The following UBA2 variants were observed in gnomAD, a reference collection of about 807,000 sequenced individuals.
UBA2 encodes SUMO-activating enzyme subunit 2.
UBA2 carries 11 observed loss-of-function variants against 77.2 expected under a neutral mutation model. The observed-to-expected ratio is 0.14, with a 90% CI of 0.09 to 0.24. UBA2 has a LOEUF of 0.24. UBA2 is among the 10% of genes least tolerant of loss of function. UBA2 has a pLI of 1.00. For missense variants in UBA2, 487 were observed against 781.7 expected, an observed-to-expected ratio of 0.62 and a Z score of 4.50; for synonymous variants, 278 against 276.7, an observed-to-expected ratio of 1.00 and a Z score of -0.05.
intron 4 of UBA2, 48 bp from the exon 5 acceptor site, chr19:34,434,820 A>G: frequency 7.1e-7 from 1 of 1,405,578 alleles, no homozygotes; most frequent in South Asian, 1.2e-5. Flanking sequence ...ATTAAAGATA[A>G]CTAATTTTTT....
In UBA2 at chr19:34,464,308, G is replaced by A. The variant is rs554808663; in HGVS notation, c.1604+177G>A. 5.9e-5 allele frequency among the ~76,000 whole-genome samples: 9 copies of A among 152,248 alleles called. No homozygotes were observed. The South Asian group carries it at 1.9e-3, about 32-fold the overall frequency. The stretch of plus-strand genomic sequence containing the variant: ...TGTTTGACCTACAGAAAAATTTGAG[G>A]ATTCAGAAATTGGCGGGGTGTGGCG... On this transcript the variant is annotated intron_variant, in intron 15 of 16. Transcript: ENST00000246548.
rs146650320 is a variant in UBA2, at chr19:34,430,578, T to G, written c.141T>G (p.Ile47Met). The change falls in exon 2 of 17, where the codon ATT becomes ATG. Residue 47 changes from isoleucine to methionine, a missense_variant and splice_region_variant. By Grantham distance (10) the Ile-to-Met change is conservative (BLOSUM62 1). Coordinates refer to ENST00000246548, the MANE Select transcript of UBA2 (RefSeq NM_005499.3). ...ATCTGGGGTTTATGCATTTGTAGAT[T>G]GATCTGGATACTATTGATGTAAGCA... ...VLTGFSHIDL[I>M]DLDTIDVSNL... 7.5e-5 allele frequency: 121 copies of G among 1,611,406 alleles called. No individual in the cohort carries two copies. The African/African-American group carries it at 1.5e-3, about 20-fold the overall frequency.
intron 12 of UBA2, among the ~76,000 whole-genome samples, chr19:34,454,903 C>T (rs2145547154): frequency 6.6e-6 from 1 of 152,280 alleles, no homozygotes. Context: ...GTCCCCTGTT[C>T]AGTCATTCTC....
In UBA2 at chr19:34,430,771, A is replaced by G. The variant is rs556058236; in HGVS notation, c.222+112A>G. 89 of 749,960 alleles carry G rather than the reference A, an allele frequency of 1.2e-4. No homozygotes were observed. In the African/African-American group the frequency reaches 1.4e-3, roughly 12 times the overall value. The allele number at this position is 749,960 out of a possible 1,614,324, so 46.5% of individuals were successfully genotyped here. On this transcript the variant is annotated intron_variant, in intron 2 of 16. Transcript: ENST00000246548. ...AAAAAATGGGTGAAGCTCTCATTTC[A>G]GCTGAGAGATTGTGAAGGATAAAGA...
At chr19:34,444,822 A>C (rs1477957966) in intron 7 of UBA2, among the ~76,000 whole-genome samples, 178 bp from the exon 8 acceptor site, 2 of 152,178 alleles carry the variant, frequency 1.3e-5, no homozygotes, top group Non-Finnish European at 2.9e-5. Context: ...ACAAGAAAGA[A>C]AGAAACTGGG....
At chr19:34,463,173 G>T (rs2075650987) in intron 14 of UBA2, among the ~76,000 whole-genome samples, 2 of 152,138 alleles carry the variant, frequency 1.3e-5, no homozygotes, top group Admixed American at 1.3e-4. Context: ...GGAGGCTGAG[G>T]TAGGAAGACT....
At chr19:34,439,094 G>C (rs1220264055) in intron 6 of UBA2, among the ~76,000 whole-genome samples, 1 of 151,894 alleles carries the variant, frequency 6.6e-6, no homozygotes, top group African/African-American at 2.4e-5. Flanking sequence ...TGTAATCCCA[G>C]CTACTCGGGA....
chr19:34,457,179 A>AAAATATATATATATATATATATATATAT (rs1262007864), intron 12 of UBA2, among the ~76,000 whole-genome samples: 3 of 53,218 alleles, frequency 5.6e-5, no homozygotes, highest in African/African-American at 1.2e-4. Context: ...AAAAAAAAAA[A>AAAATATATATATATATATATATATATAT]ATATATATAT....
chr19:34,432,228 T>C (rs2075263775), intron 3 of UBA2, among the ~76,000 whole-genome samples: 1 of 152,236 alleles, frequency 6.6e-6, no homozygotes, highest in South Asian at 2.1e-4. Context: ...TCCTTATTTA[T>C]GATGATTCAG....
At chr19:34,468,001 G>C (rs1286178367) in intron 16 of UBA2, among the ~76,000 whole-genome samples, 1 of 152,168 alleles carries the variant, frequency 6.6e-6, no homozygotes, top group Admixed American at 6.5e-5. Context: ...TGGAATTTAG[G>C]CATGTTAGAG....
chr19:34,458,836 A>C lies in UBA2; in HGVS notation c.1313A>C (p.Asn438Thr). 1 of 1,614,078 alleles carries C rather than the reference A, an allele frequency of 6.2e-7. No individual in the cohort carries two copies. Among genetic ancestry groups the C allele is most frequent in the Non-Finnish European group, 8.5e-7 (1 of 1,180,034 alleles). ...LLVPCALDPPNPNCYVCASKP... is the reference protein window; with the variant it reads ...LLVPCALDPPTPNCYVCASKP... ...GTGCCTTGTGCACTGGATCCTCCCAACCCCAATTGTTATGTATGTGCCAGC... is the reference window on the plus strand; with the variant it reads ...GTGCCTTGTGCACTGGATCCTCCCACCCCCAATTGTTATGTATGTGCCAGC... The change falls in exon 13 of 17, where the codon AAC (asparagine) becomes ACC (threonine). Residue 438 changes from asparagine to threonine, a missense_variant. Asn to Thr is a moderately conservative substitution (Grantham distance 65). Transcript: ENST00000246548.
rs764109454 is a variant in UBA2 at position 34,446,608 on chromosome 19, C to CTTTTTTTTTTTTTTTTTTTTT, written c.771+1490_771+1491insTTTTTTTTTTTTTTTTTTTTT. ...ATGTCACATGTTGACTTTTTTTTTT[C>CTTTTTTTTTTTTTTTTTTTTT]TTTCTTTTTTTTTTTTTTTGAGAGA... On this transcript the variant is annotated intron_variant, in intron 8 of 16. Coordinates refer to ENST00000246548, the MANE Select transcript of UBA2 (RefSeq NM_005499.3). Among the ~76,000 whole-genome samples, 3 of 145,152 alleles carry CTTTTTTTTTTTTTTTTTTTTT rather than the reference C, an allele frequency of 2.1e-5. 1 individual carries two copies. Among genetic ancestry groups the CTTTTTTTTTTTTTTTTTTTTT allele is most frequent in the African/African-American group, 2.7e-5 (1 of 37,338 alleles).
chr19:34,463,896 G>A (rs935253743), intron 14 of UBA2, 130 bp from the exon 15 acceptor site: 19 of 652,156 alleles, frequency 2.9e-5, no homozygotes, highest in Non-Finnish European at 4.7e-5. Flanking sequence ...TGGGGATTAG[G>A]GTTTCAACCT....
intron 15 of UBA2, 66 bp downstream of exon 15, chr19:34,464,197 G>T: frequency 1.8e-6 from 2 of 1,133,426 alleles, no homozygotes. Context: ...ACAAAATGAA[G>T]GAAAAGTGTT....
intron 9 of UBA2, among the ~76,000 whole-genome samples, chr19:34,451,136 G>A (rs75291661): frequency 0.04 from 6,089 of 152,012 alleles, 181 homozygotes; most frequent in Admixed American, 0.11. Context: ...TGAGTAGCTG[G>A]GACTGTATGC....
chr19:34,457,894 T>C (rs2075585858), intron 12 of UBA2, among the ~76,000 whole-genome samples: 1 of 152,216 alleles, frequency 6.6e-6, no homozygotes, highest in South Asian at 2.1e-4. Flanking sequence ...TAATTATTTT[T>C]TTGTTTAGTA....
Position 34,428,664 on chromosome 19 carries a change from CCCGGAGCCCGGGA to C in UBA2, c.138+101_138+113del, listed in dbSNP as rs2075215079. On this transcript the variant is annotated intron_variant, in intron 1 of 16. Transcript: ENST00000246548. ...GCTCCAGGGGCTCTGAGGCTCAGGGCCCGGAGCCCGGGACCGGAGTTGCGGAGCGGGGGCAGGC... is the reference window on the plus strand; with the variant it reads ...GCTCCAGGGGCTCTGAGGCTCAGGGCCCGGAGTTGCGGAGCGGGGGCAGGC... The C allele has an allele frequency of 4.6e-5, 55 of 1,197,976 alleles. No individual in the cohort carries two copies. In the South Asian group the frequency reaches 1.1e-3, roughly 25 times the overall value. The allele number at this position is 1,197,976 out of a possible 1,614,324, so 74.2% of individuals were successfully genotyped here.
At chr19:34,450,689 T>TTTTG (rs1568377151) in intron 9 of UBA2, among the ~76,000 whole-genome samples, 1 of 152,068 alleles carries the variant, frequency 6.6e-6, no homozygotes, top group Non-Finnish European at 1.5e-5. Context: ...CATGTAGTGT[T>TTTTG]TTTGTATTTT....
In UBA2 at chr19:34,438,220, C is replaced by CAA. The variant is rs35061343; in HGVS notation, c.460-410_460-409dup. On this transcript the variant is annotated intron_variant, in intron 5 of 16. Coordinates refer to ENST00000246548, the MANE Select transcript of UBA2 (RefSeq NM_005499.3). The stretch of plus-strand genomic sequence containing the variant: ...TTCCCCAGACCCACTTAGTTTTGCT[C>CAA]AAAAAAAAAAAAAAAACACATATAA... 8.1e-4 allele frequency among the ~76,000 whole-genome samples: 108 copies of CAA among 133,984 alleles called. 2 individuals carry two copies. The highest frequency in any genetic ancestry group is 2.5e-3 in the African/African-American group (92 of 36,364). The allele number at this position is 133,984 out of a possible 152,430, so 87.9% of individuals were successfully genotyped here.
Sources: allele counts gnomAD v4.1 joint callset (sites outside exome capture counted in the v4.1 genomes callset), GRCh38; gene constraint gnomAD v4.1.1; transcripts MANE v1.5; gene names NCBI Gene and HGNC (gene_info 2026-07-23, HGNC 2026-07-21).